CARS2: variants seen among roughly 807,000 people sequenced by gnomAD.
The protein encoded by CARS2 is cysteinyl-tRNA synthetase 2, mitochondrial.
Under a neutral mutation model 68.8 loss-of-function variants are expected in CARS2, and 52 were observed. That is an observed-to-expected ratio of 0.76 (90% CI 0.61 to 0.95). CARS2 has a LOEUF of 0.95. Among genes scored for constraint, CARS2 ranks in the 40% least tolerant of loss-of-function variants. The pLI is 0.00. For synonymous variants in CARS2, 314 were observed against 303.6 expected, an observed-to-expected ratio of 1.03 and a Z score of -0.36; for missense variants, 780 against 754.2, an observed-to-expected ratio of 1.03 and a Z score of -0.40.
intron 10 of CARS2, chr13:110,650,670 G>A: frequency 4.5e-6 from 1 of 224,474 alleles, no homozygotes; most frequent in Non-Finnish European, 8.8e-6. Context: ...GGCAGGACAG[G>A]CAGGGTCACG....
chr13:110,713,185 G>A, exon 1 of CARS2: 3 of 1,426,528 alleles, frequency 2.1e-6, no homozygotes, highest in Middle Eastern at 2.6e-4. Flanking sequence ...AAGTGATGTT[G>A]GCAAGTAGAT....
intron 12 of CARS2, 24 bp from the exon 13 acceptor site, chr13:110,644,507 G>A: frequency 2.5e-6 from 4 of 1,613,582 alleles, no homozygotes; most frequent in Non-Finnish European, 3.4e-6. Context: ...TGTCGCAGAA[G>A]CTCCTTAAAA....
At chr13:110,666,786 C>A in intron 8 of CARS2, 1 of 985,422 alleles carries the variant, frequency 1.0e-6, no homozygotes, top group Middle Eastern at 5.2e-4. Context: ...CTGTCCATCC[C>A]CAAAAGGTAA....
chr13:110,711,655 G>A (rs1203930714), intron 1 of CARS2, among the ~76,000 whole-genome samples: 2 of 152,340 alleles, frequency 1.3e-5, no homozygotes, highest in East Asian at 3.9e-4. Context: ...AAATATCAAA[G>A]CCAAAGCTCT....
chr13:110,676,942 C>A lies in CARS2; in HGVS notation c.785+32G>T. ...TGAGCAGGCACCAGGGGAACTTGAG[C>A]CCCAACCCCCAGGAAGCGGCAGGCA... is the stretch of plus-strand genomic sequence containing the variant. On this transcript the variant is annotated intron_variant, in intron 7 of 14. Transcript: ENST00000257347. This position sits in a 1 kb window ranked among gnomAD's most constrained non-coding sequence, Gnocchi z 4.0. The A allele has an allele frequency of 6.7e-7, 1 of 1,501,724 alleles. No individual in the cohort carries two copies. Among genetic ancestry groups the A allele is most frequent in the South Asian group, 1.3e-5 (1 of 76,720 alleles). 93.0% of individuals were successfully genotyped at this position (1,501,724 alleles called of 1,614,324 possible). A position where few individuals can be genotyped will look rare whatever the true frequency, so the allele number is the denominator to read the frequency against.
intron 8 of CARS2, chr13:110,663,820 C>A (rs2139750110): frequency 2.6e-6 from 3 of 1,158,782 alleles, no homozygotes; most frequent in Non-Finnish European, 2.1e-6. Context: ...AGCAGTATTT[C>A]ATCTATTTTC....
intron 7 of CARS2, among the ~76,000 whole-genome samples, chr13:110,672,717 G>T (rs1250774423): frequency 6.6e-6 from 1 of 152,142 alleles, no homozygotes. Context: ...ACTAAGATCA[G>T]AGCAGAACTG....
At chr13:110,713,211 C>T in exon 1 of CARS2, 1 of 1,419,988 alleles carries the variant, frequency 7.0e-7, no homozygotes, top group South Asian at 1.6e-5. Flanking sequence ...ACTGCGGTTG[C>T]CAGTTCTGTT....
chr13:110,665,414 C>T lies in CARS2; in HGVS notation c.920-1896G>A. The T allele has an allele frequency of 1.0e-6, 1 of 982,490 alleles. No individual in the cohort carries two copies. The highest frequency in any genetic ancestry group is 4.7e-5 in the South Asian group (1 of 21,208). 60.9% of individuals were successfully genotyped at this position (982,490 alleles called of 1,614,324 possible). On this transcript the variant is annotated intron_variant, in intron 8 of 14. Transcript: ENST00000257347. This position sits in a 1 kb window ranked among gnomAD's most constrained non-coding sequence, Gnocchi z 4.3. ...TGAGCTCAGATAGTGCCACTGCACT[C>T]CCAGGCTGGGGGACGGAGCGAAATT... is the stretch of plus-strand genomic sequence containing the variant.
At chr13:110,698,413 G>A (rs949787614) in intron 3 of CARS2, among the ~76,000 whole-genome samples, 2 of 151,818 alleles carry the variant, frequency 1.3e-5, no homozygotes, top group African/African-American at 2.4e-5. Flanking sequence ...CCAGCTACTC[G>A]GGAGGCTGAG....
intron 9 of CARS2, among the ~76,000 whole-genome samples, chr13:110,661,419 G>C (rs1343183876): frequency 6.6e-6 from 1 of 152,194 alleles, no homozygotes; most frequent in Non-Finnish European, 1.5e-5. Flanking sequence ...TTAGGGCCTT[G>C]TTCCAGATTA....
At chr13:110,675,721 A>G (rs1286805644) in intron 7 of CARS2, among the ~76,000 whole-genome samples, 1 of 152,112 alleles carries the variant, frequency 6.6e-6, no homozygotes, top group Non-Finnish European at 1.5e-5. Flanking sequence ...AAAAAAACCC[A>G]TTTCTACAAA....
At chr13:110,701,693 A>G in intron 2 of CARS2, 138 bp from the exon 3 acceptor site, 1 of 581,726 alleles carries the variant, frequency 1.7e-6, no homozygotes, top group Non-Finnish European at 3.1e-6. Context: ...GAGCAGGTAC[A>G]AGGAAACTCC....
chr13:110,663,435 AC>A lies in CARS2; in HGVS notation c.987+15del. ...GCTATCGGCACCTCAGAGATACAAT[AC>A]AAAAAGCACGTTACCTTAATAGTAA... On this transcript the variant is annotated intron_variant, in intron 9 of 14. Transcript: ENST00000257347. The A allele has an allele frequency of 6.2e-7, 1 of 1,610,022 alleles. No homozygotes were observed. Among genetic ancestry groups the A allele is most frequent in the Non-Finnish European group, 8.5e-7 (1 of 1,178,382 alleles).
At position 110,667,489 on chromosome 13, in the gene CARS2, C is replaced by G. The variant is rs548625666; in HGVS notation, c.786-16G>C. The G allele has an allele frequency of 9.3e-6, 15 of 1,608,688 alleles. No individual in the cohort carries two copies. In the East Asian group the frequency reaches 3.4e-4, roughly 36 times the overall value. Reference sequence around the variant, plus strand: ...AAATACCATACTGCAAGACACAGTGCAAAGTAGTGAATTCATTCAATCAAG... The same window carrying G: ...AAATACCATACTGCAAGACACAGTGGAAAGTAGTGAATTCATTCAATCAAG... On this transcript the variant is annotated splice_polypyrimidine_tract_variant and intron_variant, in intron 7 of 14. Transcript: ENST00000257347.
intron 10 of CARS2, among the ~76,000 whole-genome samples, chr13:110,649,559 A>T (rs1474856202): frequency 1.5e-4 from 23 of 152,208 alleles, no homozygotes. Flanking sequence ...CCCATGGGGG[A>T]ATGAGAATAA....
chr13:110,647,654 C>CA (rs1888327547), intron 10 of CARS2, among the ~76,000 whole-genome samples: 2 of 86,080 alleles, frequency 2.3e-5, no homozygotes, highest in African/African-American at 1.5e-4. Flanking sequence ...GGAAGGCCCT[C>CA]CCGAGGGAAA....
chr13:110,642,029 C>G (rs970659226), intron 14 of CARS2, among the ~76,000 whole-genome samples: 2 of 152,038 alleles, frequency 1.3e-5, no homozygotes, highest in Non-Finnish European at 2.9e-5. Flanking sequence ...TGGAGAAAAC[C>G]TGTCTCTACT....
chr13:110,642,885 G>T, intron 13 of CARS2: 1 of 491,196 alleles, frequency 2.0e-6, no homozygotes, highest in Admixed American at 2.6e-5. Context: ...GATGAGGCTG[G>T]GGGGCAGCGA....
Sources: gnomAD v4.1 joint callset for allele counts (sites outside exome capture counted in the v4.1 genomes callset) on GRCh38, gnomAD v4.1.1 for gene constraint, Gnocchi (gnomAD v3.1) non-coding constraint, MANE v1.5 for transcripts, NCBI Gene and HGNC (gene_info 2026-07-23, HGNC 2026-07-21) for gene names.